CEP350: variants seen among roughly 807,000 people sequenced by gnomAD.
CEP350 encodes centrosome-associated protein 350.
In CEP350, 126 loss-of-function variants were observed where a neutral mutation model predicts 331.8. The observed-to-expected ratio is 0.38, with a 90% CI of 0.33 to 0.44. The LOEUF (loss-of-function observed/expected upper bound fraction) is 0.44, where lower values mean the gene tolerates loss of function less well. CEP350 is among the 20% of genes least tolerant of loss of function. The pLI is 1.00. For synonymous variants in CEP350, 1,200 were observed against 1,259.5 expected (o/e 0.95, Z 1.00); for missense variants, 3,406 against 3,634.6 (o/e 0.94, Z 1.62).
In CEP350 at chr1:180,020,065, G is replaced by A. The variant is rs1012289596; in HGVS notation, c.2291G>A (p.Ser764Asn). 2 of 1,613,850 alleles carry A rather than the reference G, an allele frequency of 1.2e-6. No homozygotes were observed. The highest frequency in any genetic ancestry group is 8.5e-7 in the Non-Finnish European group (1 of 1,179,896). Residue 764 changes from serine to asparagine, a missense_variant, in exon 12 of 38, where the codon AGT becomes AAT. This residue lies in a region of CEP350 where 1,857 missense variants were observed against 1,909.2 expected (regional missense o/e 0.97). Coordinates refer to ENST00000367607, the MANE Select transcript of CEP350 (RefSeq NM_014810.5). ...TAGSLLSHLL[S>N]LEHVGILHKD... is the part of the protein sequence containing the mutation. ...GGAAGTTTACTCTCCCATCTCTTGA[G>A]TTTAGAGCATGTAGGAATTTTGCAT... is the stretch of plus-strand genomic sequence containing the variant.
chr1:180,108,513 G>A (rs1423242926), intron 37 of CEP350, among the ~76,000 whole-genome samples: 1 of 152,098 alleles, frequency 6.6e-6, no homozygotes, highest in African/African-American at 2.4e-5. Context: ...AAAAAAGTGG[G>A]GCGGGGTGGG....
At chr1:179,988,189 C>T (rs1456601073) in intron 3 of CEP350, among the ~76,000 whole-genome samples, 11 of 150,662 alleles carry the variant, frequency 7.3e-5, no homozygotes, top group African/African-American at 1.2e-4. Flanking sequence ...CCCAGCCACT[C>T]GGGAGGCTGA....
At chr1:180,017,424 T>TA (rs1446575003) in intron 11 of CEP350, among the ~76,000 whole-genome samples, 1 of 152,242 alleles carries the variant, frequency 6.6e-6, no homozygotes, top group Non-Finnish European at 1.5e-5. Flanking sequence ...AGATGGGTGA[T>TA]ACTCTCTAGT....
chr1:180,049,315 T>C (rs1657332298), intron 22 of CEP350, among the ~76,000 whole-genome samples: 1 of 152,222 alleles, frequency 6.6e-6, no homozygotes, highest in Non-Finnish European at 1.5e-5. Context: ...GTTTGTGCCA[T>C]ATCTCAAGTC....
chr1:179,968,796 T>G, intron 1 of CEP350: 2 of 686,046 alleles, frequency 2.9e-6, no homozygotes, highest in Non-Finnish European at 5.4e-6. Context: ...ACATCATAAA[T>G]CTGAAGAGGA....
intron 14 of CEP350, among the ~76,000 whole-genome samples, chr1:180,026,634 A>G (rs1655695934): frequency 6.6e-6 from 1 of 152,198 alleles, no homozygotes; most frequent in African/African-American, 2.4e-5. Context: ...TCTTCTGTCC[A>G]TCAGCCGCTG....
Position 180,020,429 on chromosome 1 carries a change from T to C in CEP350, c.2655T>C (p.Asn885=). ...TAACTCCACCTGTGAAAGATGATAA[T>C]GAAGATGTTTTCTCTGCCAGAATTC... is the stretch of plus-strand genomic sequence containing the variant. ...KAVTPPVKDD[N]EDVFSARIQK... The change falls in exon 12 of 38, where the codon AAT becomes AAC. Residue 885 remains asparagine, a synonymous_variant. Transcript: ENST00000367607. The C allele has an allele frequency of 6.2e-7, 1 of 1,613,898 alleles. No individual in the cohort carries two copies. Among genetic ancestry groups the C allele is most frequent in the Non-Finnish European group, 8.5e-7 (1 of 1,179,886 alleles).
chr1:179,999,086 C>A (rs12144853), intron 6 of CEP350, among the ~76,000 whole-genome samples: 12,665 of 152,042 alleles, frequency 0.083, 700 homozygotes, highest in Non-Finnish European at 0.12. Flanking sequence ...TAGTGATTAC[C>A]CGAAATCTTT....
At chr1:180,103,953 C>CAAATATATACAAATATATATTTT (rs1558163305) in intron 37 of CEP350, among the ~76,000 whole-genome samples, 4,562 of 140,466 alleles carry the variant, frequency 0.032, 173 homozygotes, top group African/African-American at 0.068. Context: ...AAAATATATA[C>CAAATATATACAAATATATATTTT]AAAATATATA....
In CEP350 at chr1:180,112,329, T is replaced by G. The variant is rs1284797483; in HGVS notation, c.*1168T>G. 2 of 152,568 alleles carry G rather than the reference T, an allele frequency of 1.3e-5. No individual in the cohort carries two copies. Among genetic ancestry groups the G allele is most frequent in the East Asian group, 3.8e-4 (2 of 5,202 alleles). The allele number at this position is 152,568 out of a possible 1,614,324, so 9.5% of individuals were successfully genotyped here. ...ACCAATACACATATTGAAGAAGTCA[T>G]TTTAATTCAGTGAAACGAAGATGGG... On this transcript the variant is annotated 3_prime_UTR_variant, in exon 38 of 38. Transcript: ENST00000367607.
intron 1 of CEP350, among the ~76,000 whole-genome samples, chr1:179,962,355 C>T (rs1262510418): frequency 1.3e-5 from 2 of 152,088 alleles, no homozygotes; most frequent in Non-Finnish European, 2.9e-5. Flanking sequence ...TAGTATTCCA[C>T]GGTGTATATG....
intron 8 of CEP350, among the ~76,000 whole-genome samples, chr1:180,009,108 C>T (rs1214966399): frequency 1.3e-5 from 2 of 152,220 alleles, no homozygotes; most frequent in African/African-American, 4.8e-5. Context: ...CTCCTGGATT[C>T]AAGTGATTCT....
intron 22 of CEP350, among the ~76,000 whole-genome samples, chr1:180,049,762 T>G (rs1049289767): frequency 6.6e-6 from 1 of 152,166 alleles, no homozygotes; most frequent in Admixed American, 6.5e-5. Context: ...CAGGCTGATC[T>G]CGAACTCCTG....
chr1:180,087,838 A>G lies in CEP350; in HGVS notation c.6425+121A>G, dbSNP rs1016645474. On this transcript the variant is annotated intron_variant, in intron 32 of 37. Transcript: ENST00000367607. ...TACAGAAGTAAAAATATTATTTTCT[A>G]TTTTTAGTGTCAGTAAATTAAAATT... is the stretch of plus-strand genomic sequence containing the variant. 7.5e-6 allele frequency: 8 copies of G among 1,063,538 alleles called. No homozygotes were observed. In the East Asian group the frequency reaches 9.7e-5, roughly 13 times the overall value. The allele number at this position is 1,063,538 out of a possible 1,614,324, so 65.9% of individuals were successfully genotyped here. A position where few individuals can be genotyped will look rare whatever the true frequency, so the allele number is the denominator to read the frequency against.
intron 37 of CEP350, among the ~76,000 whole-genome samples, chr1:180,104,286 G>C (rs1661018694): frequency 6.6e-6 from 1 of 151,284 alleles, no homozygotes; most frequent in South Asian, 2.1e-4. Context: ...GGATATTGTA[G>C]TTCAAAAGAG....
chr1:180,110,910 T>C, intron 37 of CEP350, 87 bp from the exon 38 acceptor site: 1 of 1,126,618 alleles, frequency 8.9e-7, no homozygotes, highest in South Asian at 1.4e-5. Context: ...GCTGTATTCC[T>C]ATGGATAGGA....
At chr1:179,967,339 C>T (rs533615710) in intron 1 of CEP350, among the ~76,000 whole-genome samples, 64 of 152,036 alleles carry the variant, frequency 4.2e-4, no homozygotes, top group Non-Finnish European at 7.5e-4. Flanking sequence ...ATTGTGGCAC[C>T]CTCCTTTTTA....
At chr1:180,065,505 G>A (rs942153872) in intron 27 of CEP350, among the ~76,000 whole-genome samples, 1 of 152,112 alleles carries the variant, frequency 6.6e-6, no homozygotes, top group Non-Finnish European at 1.5e-5. Flanking sequence ...AACAAGGCTA[G>A]GAGTGGTGGC....
intron 32 of CEP350, among the ~76,000 whole-genome samples, 181 bp from the exon 33 acceptor site, chr1:180,090,533 G>A (rs1222050681): frequency 1.5e-4 from 6 of 41,250 alleles, no homozygotes; most frequent in Admixed American, 1.4e-3. Flanking sequence ...GCGACAGAGC[G>A]AGACTCCGTC....
Sources: gnomAD v4.1 joint callset for allele counts (sites outside exome capture counted in the v4.1 genomes callset) on GRCh38, gnomAD v4.1.1 for gene constraint, gnomAD v4.1.1 regional missense constraint, MANE v1.5 for transcripts, NCBI Gene and HGNC (gene_info 2026-07-23, HGNC 2026-07-21) for gene names.